Variants in MACROD2 observed in about 807,000 individuals in gnomAD.
MACROD2 encodes mono-ADP ribosylhydrolase 2, also known as ADP-ribose glycohydrolase MACROD2.
In MACROD2, 36 loss-of-function variants were observed where a neutral mutation model predicts 70.4. That is an observed-to-expected ratio of 0.51 (90% confidence interval 0.39 to 0.68). The LOEUF is 0.68. Among genes scored for constraint, MACROD2 ranks in the 30% least tolerant of loss-of-function variants. The pLI is 0.00. For synonymous variants in MACROD2, 172 were observed against 178.8 expected (o/e 0.96, Z 0.30); for missense variants, 496 against 538.4 (o/e 0.92, Z 0.78).
intron 8 of MACROD2, among the ~76,000 whole-genome samples, chr20:15,827,649 CT>C (rs2064011850): frequency 6.6e-6 from 1 of 152,098 alleles, no homozygotes; most frequent in Non-Finnish European, 1.5e-5. Flanking sequence ...TGAGGGGGGA[CT>C]TTGGGAGAGG....
intron 2 of MACROD2, among the ~76,000 whole-genome samples, chr20:14,042,320 A>G (rs544021195): frequency 6.6e-6 from 1 of 152,236 alleles, no homozygotes; most frequent in South Asian, 2.1e-4. Context: ...TGGGCCTTCA[A>G]TCATTAGATT....
chr20:14,649,755 G>A (rs1432105060), intron 4 of MACROD2, among the ~76,000 whole-genome samples: 1 of 152,102 alleles, frequency 6.6e-6, no homozygotes, highest in Non-Finnish European at 1.5e-5. Flanking sequence ...TTTGCCCTGG[G>A]TACATTGTGC....
At chr20:15,680,315 G>T (rs973670442) in intron 8 of MACROD2, among the ~76,000 whole-genome samples, 4 of 152,138 alleles carry the variant, frequency 2.6e-5, no homozygotes, top group African/African-American at 9.7e-5. Flanking sequence ...TAAGCCCAGG[G>T]TTCTTTGGAG....
intron 4 of MACROD2, among the ~76,000 whole-genome samples, chr20:14,675,491 G>A (rs929207124): frequency 1.3e-5 from 2 of 152,120 alleles, no homozygotes; most frequent in African/African-American, 4.8e-5. Flanking sequence ...ATCCTTTACA[G>A]ACAAGCGGAG....
rs1305369537 is a variant in MACROD2 at position 15,933,351 on chromosome 20, T to A, written c.838+13T>A. ...AGCCAAGATGCAGGTAGGCTCAGAT[T>A]TCTTTTGAGAAGTCACCTAGGCCTC... is the stretch of plus-strand genomic sequence containing the variant. On this transcript the variant is annotated intron_variant, in intron 11 of 17. Transcript: ENST00000684519. 1 of 1,612,446 alleles carries A rather than the reference T, an allele frequency of 6.2e-7. No homozygotes were observed. The highest frequency in any genetic ancestry group is 1.1e-5 in the South Asian group (1 of 91,002).
chr20:16,014,360 T>C lies in MACROD2; in HGVS notation c.1154-26841T>C, dbSNP rs1601324891. ...GGATTTGAAGCTGCAGTGTATATTCTCCGGTTCTAAAAGATTCTCGATAAA... is the reference window on the plus strand; with the variant it reads ...GGATTTGAAGCTGCAGTGTATATTCCCCGGTTCTAAAAGATTCTCGATAAA... On this transcript the variant is annotated intron_variant, in intron 15 of 17. Transcript: ENST00000684519. Among the ~76,000 whole-genome samples the C allele has an allele frequency of 3.3e-5, 5 of 152,320 alleles. No homozygotes were observed. In the South Asian group the frequency reaches 1.0e-3, roughly 32 times the overall value.
chr20:14,243,740 T>C (rs1395696602), intron 3 of MACROD2, among the ~76,000 whole-genome samples: 1 of 152,196 alleles, frequency 6.6e-6, no homozygotes, highest in African/African-American at 2.4e-5. Flanking sequence ...TTGAACAACA[T>C]ATGATAGAAA....
intron 2 of MACROD2, among the ~76,000 whole-genome samples, chr20:14,062,761 A>G (rs1204082655): frequency 6.6e-6 from 1 of 152,188 alleles, no homozygotes; most frequent in Non-Finnish European, 1.5e-5. Context: ...TTAGAGTTTA[A>G]AGTTAGAGGA....
chr20:14,950,136 T>G (rs761009875), intron 5 of MACROD2, among the ~76,000 whole-genome samples: 1 of 152,106 alleles, frequency 6.6e-6, no homozygotes, highest in Non-Finnish European at 1.5e-5. Flanking sequence ...ATCTAATTCT[T>G]GAAAACGTGG....
chr20:15,847,331 A>T (rs181793363), intron 8 of MACROD2, among the ~76,000 whole-genome samples: 1 of 152,212 alleles, frequency 6.6e-6, no homozygotes, highest in African/African-American at 2.4e-5. Context: ...TTGAGTGGTG[A>T]CTCTAAATTG....
chr20:14,419,587 T>G (rs2083852851), intron 3 of MACROD2, among the ~76,000 whole-genome samples: 1 of 152,202 alleles, frequency 6.6e-6, no homozygotes, highest in Admixed American at 6.5e-5. Context: ...CTATGTGTAT[T>G]TAGACCTACC....
intron 5 of MACROD2, among the ~76,000 whole-genome samples, chr20:14,729,654 C>A (rs1268536239): frequency 6.6e-6 from 1 of 152,150 alleles, no homozygotes; most frequent in Non-Finnish European, 1.5e-5. Context: ...AACTCCCAAG[C>A]TAAATATTTA....
chr20:14,683,130 C>A (rs1341779345), intron 4 of MACROD2, among the ~76,000 whole-genome samples: 1 of 152,194 alleles, frequency 6.6e-6, no homozygotes, highest in African/African-American at 2.4e-5. Context: ...CCGCCCGCCT[C>A]AGCCTCCTAA....
intron 5 of MACROD2, among the ~76,000 whole-genome samples, chr20:15,093,758 G>A (rs1393871678): frequency 6.6e-6 from 1 of 152,074 alleles, no homozygotes; most frequent in African/African-American, 2.4e-5. Flanking sequence ...AATTATTTCT[G>A]CATCTTATTT....
chr20:15,805,590 C>T (rs1307640780), intron 8 of MACROD2, among the ~76,000 whole-genome samples: 1 of 152,120 alleles, frequency 6.6e-6, no homozygotes, highest in African/African-American at 2.4e-5. Context: ...GATTCTCCTG[C>T]CTCAGCCTCC....
At chr20:15,974,860 T>C (rs2066282259) in intron 13 of MACROD2, among the ~76,000 whole-genome samples, 1 of 152,132 alleles carries the variant, frequency 6.6e-6, no homozygotes, top group Non-Finnish European at 1.5e-5. Context: ...GGCATACACA[T>C]ATCTGTAATG....
In MACROD2 at chr20:16,031,218, G is replaced by T. The variant is rs2067147285; in HGVS notation, c.1154-9983G>T. 5.3e-5 allele frequency among the ~76,000 whole-genome samples: 8 copies of T among 152,114 alleles called. No homozygotes were observed. The South Asian group carries it at 1.2e-3, about 24-fold the overall frequency. ...TAAAATATAAAAACAGATGACAAAAGACAGGGAGGAGGAAGAAAAGAAGGG... is the reference window on the plus strand; with the variant it reads ...TAAAATATAAAAACAGATGACAAAATACAGGGAGGAGGAAGAAAAGAAGGG... On this transcript the variant is annotated intron_variant, in intron 15 of 17. Transcript: ENST00000684519.
chr20:14,749,178 A>G (rs1216617293), intron 5 of MACROD2, among the ~76,000 whole-genome samples: 2 of 152,060 alleles, frequency 1.3e-5, no homozygotes, highest in Admixed American at 6.6e-5. Context: ...CGTATAACCC[A>G]TGCCATTAGA....
At chr20:14,317,442 A>G (rs1046117639) in intron 3 of MACROD2, among the ~76,000 whole-genome samples, 3 of 152,076 alleles carry the variant, frequency 2.0e-5, no homozygotes, top group South Asian at 2.1e-4. Context: ...ACATGGTGAA[A>G]CCCCTCTACT....
Sources: gnomAD v4.1 joint callset for allele counts (sites outside exome capture counted in the v4.1 genomes callset) on GRCh38, gnomAD v4.1.1 for gene constraint, MANE v1.5 for transcripts, NCBI Gene and HGNC (gene_info 2026-07-23, HGNC 2026-07-21) for gene names.